The following SLC25A13 variants were observed in gnomAD, a reference collection of about 807,000 sequenced individuals.
SLC25A13 encodes solute carrier family 25 member 13.
Under a neutral mutation model 85.5 loss-of-function variants are expected in SLC25A13, and 70 were observed. The observed-to-expected ratio is 0.82, with a 90% confidence interval of 0.68 to 1.00. The LOEUF is 1.00. Ranked by LOEUF, SLC25A13 falls within the 50% of genes least tolerant of loss-of-function variation. The pLI, the probability that SLC25A13 is intolerant of heterozygous loss-of-function variation, is 0.00. For missense variants in SLC25A13, 765 were observed against 819.8 expected (o/e 0.93, Z 0.82); for synonymous variants, 259 against 288.7 (o/e 0.90, Z 1.04).
At chr7:96,282,139 C>A (rs1224218769) in intron 2 of SLC25A13, among the ~76,000 whole-genome samples, 1 of 152,154 alleles carries the variant, frequency 6.6e-6, no homozygotes, top group East Asian at 1.9e-4. Flanking sequence ...TAAACATACA[C>A]CTGCAAAATG....
rs188568571 is a variant in SLC25A13 at position 96,289,039 on chromosome 7, G to A, written c.69+7859C>T. ...GGCAGATTGACACCTCACACAGCCGGGTACCCCTCTGAAATGAAGCTTCCA... is the reference window on the plus strand; with the variant it reads ...GGCAGATTGACACCTCACACAGCCGAGTACCCCTCTGAAATGAAGCTTCCA... On this transcript the variant is annotated intron_variant, in intron 2 of 17. Coordinates refer to ENST00000265631, the MANE Select transcript of SLC25A13 (RefSeq NM_014251.3). 3.6e-4 allele frequency among the ~76,000 whole-genome samples: 55 copies of A among 152,286 alleles called. 1 individual carries two copies. Among genetic ancestry groups the A allele is most frequent in the Middle Eastern group, 3.4e-3 (1 of 294 alleles).
intron 3 of SLC25A13, among the ~76,000 whole-genome samples, chr7:96,249,573 T>C (rs1046651255): frequency 6.6e-6 from 1 of 152,238 alleles, no homozygotes; most frequent in African/African-American, 2.4e-5. Context: ...CCAATTGATC[T>C]GGCATGTTTC....
intron 1 of SLC25A13, among the ~76,000 whole-genome samples, chr7:96,312,261 C>T (rs1428714451): frequency 6.6e-6 from 1 of 152,126 alleles, no homozygotes; most frequent in Admixed American, 6.6e-5. Context: ...CTTAACTACT[C>T]TGTACAAATG....
intron 3 of SLC25A13, among the ~76,000 whole-genome samples, chr7:96,239,754 A>T (rs570062905): frequency 6.6e-6 from 1 of 152,238 alleles, no homozygotes; most frequent in Non-Finnish European, 1.5e-5. Flanking sequence ...ACTCTATTTC[A>T]TGGTTCTGAT....
chr7:96,315,057 C>T (rs549077617), intron 1 of SLC25A13, among the ~76,000 whole-genome samples: 1 of 152,246 alleles, frequency 6.6e-6, no homozygotes, highest in African/African-American at 2.4e-5. Flanking sequence ...ACAAATGGAG[C>T]TTTCAGTCAA....
chr7:96,298,743 A>G (rs138385344), intron 1 of SLC25A13, among the ~76,000 whole-genome samples: 1 of 152,276 alleles, frequency 6.6e-6, no homozygotes, highest in East Asian at 1.9e-4. Flanking sequence ...ATGAATTTTT[A>G]ATCTTTTTAA....
chr7:96,241,090 GAAA>G (rs1562870900), intron 3 of SLC25A13, among the ~76,000 whole-genome samples: 6 of 143,268 alleles, frequency 4.2e-5, no homozygotes, highest in Admixed American at 1.4e-4. Context: ...AAGAAAGAAA[GAAA>G]GAAAGAAAGA....
chr7:96,179,046 T>TATG (rs977451789), intron 11 of SLC25A13, among the ~76,000 whole-genome samples: 1 of 152,228 alleles, frequency 6.6e-6, no homozygotes, highest in Non-Finnish European at 1.5e-5. Flanking sequence ...TTATCTTAGC[T>TATG]ATGGCTCAGG....
intron 2 of SLC25A13, among the ~76,000 whole-genome samples, chr7:96,287,121 A>C (rs1332393575): frequency 6.6e-6 from 1 of 152,240 alleles, no homozygotes; most frequent in African/African-American, 2.4e-5. Context: ...TCGGCCTGGC[A>C]CGGTCCCCAC....
At chr7:96,277,175 A>G (rs1393224952) in intron 3 of SLC25A13, 21 bp downstream of exon 3, 3 of 1,534,160 alleles carry the variant, frequency 2.0e-6, no homozygotes, top group East Asian at 4.9e-5. Context: ...AATTAAATAA[A>G]ATAATTAAAA....
intron 11 of SLC25A13, among the ~76,000 whole-genome samples, chr7:96,182,520 C>T (rs1324296823): frequency 2.6e-5 from 4 of 152,156 alleles, no homozygotes; most frequent in Non-Finnish European, 5.9e-5. Flanking sequence ...TCTGTCTGTA[C>T]CTAATATATT....
chr7:96,160,920 C>G (rs1170069494), intron 13 of SLC25A13, among the ~76,000 whole-genome samples: 1 of 151,714 alleles, frequency 6.6e-6, no homozygotes, highest in Non-Finnish European at 1.5e-5. Flanking sequence ...ACCGATGGAG[C>G]TGCCTCTTGG....
chr7:96,234,756 C>A, intron 4 of SLC25A13, 46 bp downstream of exon 4: 1 of 1,418,946 alleles, frequency 7.0e-7, no homozygotes, highest in Non-Finnish European at 9.9e-7. Context: ...AAAATGCTCA[C>A]ACAAGTCCAC....
intron 15 of SLC25A13, among the ~76,000 whole-genome samples, chr7:96,124,696 C>T (rs1319756676): frequency 6.6e-6 from 1 of 152,120 alleles, no homozygotes; most frequent in African/African-American, 2.4e-5. Flanking sequence ...CAAAACTCAT[C>T]TTAAAGTGTT....
At chr7:96,272,168 G>A (rs963767209) in intron 3 of SLC25A13, among the ~76,000 whole-genome samples, 6 of 152,130 alleles carry the variant, frequency 3.9e-5, no homozygotes, top group Non-Finnish European at 7.3e-5. Flanking sequence ...GATTACAGGC[G>A]TAAGCCACCA....
At chr7:96,189,178 A>C (rs992993157) in intron 9 of SLC25A13, 116 bp downstream of exon 9, 1 of 883,778 alleles carries the variant, frequency 1.1e-6, no homozygotes, top group Non-Finnish European at 1.9e-6. Flanking sequence ...TTTTGGTGCA[A>C]AACAGAAAAA....
chr7:96,140,195 T>C (rs1274394002), intron 14 of SLC25A13, among the ~76,000 whole-genome samples: 54 of 151,374 alleles, frequency 3.6e-4, no homozygotes, highest in African/African-American at 1.2e-3. Context: ...CCTGACCTCG[T>C]GATCCGCCCG....
At chr7:96,139,423 G>A (rs1792430339) in intron 14 of SLC25A13, among the ~76,000 whole-genome samples, 2 of 151,712 alleles carry the variant, frequency 1.3e-5, no homozygotes, top group Admixed American at 1.3e-4. Context: ...TTTAATACAA[G>A]CTTTAAGCAG....
At chr7:96,124,242 A>G (rs1791633378) in intron 15 of SLC25A13, among the ~76,000 whole-genome samples, 1 of 152,232 alleles carries the variant, frequency 6.6e-6, no homozygotes, top group African/African-American at 2.4e-5. Flanking sequence ...TATCCCATTT[A>G]TATTTATAAG....
Sources: allele counts gnomAD v4.1 joint callset (sites outside exome capture counted in the v4.1 genomes callset), GRCh38; gene constraint gnomAD v4.1.1; transcripts MANE v1.5; gene names NCBI Gene and HGNC (gene_info 2026-07-23, HGNC 2026-07-21).